Variants in DNAI4 observed in about 807,000 individuals in gnomAD.
The protein encoded by DNAI4 is WD repeat domain 78.
Under a neutral mutation model 105.8 loss-of-function variants are expected in DNAI4, and 85 were observed. The ratio of observed to expected loss-of-function variants is 0.80; its 90% confidence interval spans 0.67 to 0.96. The LOEUF is 0.96. Ranked by LOEUF, DNAI4 falls within the 40% of genes least tolerant of loss-of-function variation. The pLI is 0.00. For synonymous variants in DNAI4, 352 were observed against 331.5 expected (o/e 1.06, Z -0.67); for missense variants, 1,014 against 1,005.6 (o/e 1.01, Z -0.11).
chr1:66,858,552 G>GAAAAAAAAAAAAAAAAAA, intron 7 of DNAI4, among the ~76,000 whole-genome samples: 1 of 108,522 alleles, frequency 9.2e-6, no homozygotes, highest in Non-Finnish European at 1.9e-5. Flanking sequence ...AAAAAAAAAT[G>GAAAAAAAAAAAAAAAAAA]CAAAAATCCT....
chr1:66,854,199 C>T (rs953703135), intron 7 of DNAI4, among the ~76,000 whole-genome samples: 1 of 152,104 alleles, frequency 6.6e-6, no homozygotes, highest in Admixed American at 6.6e-5. Flanking sequence ...TGAGAACAGT[C>T]TGGGCAACAT....
chr1:66,894,261 G>A (rs980198405), intron 2 of DNAI4, among the ~76,000 whole-genome samples: 1 of 152,096 alleles, frequency 6.6e-6, no homozygotes, highest in African/African-American at 2.4e-5. Flanking sequence ...GACAAAATGT[G>A]GAGGCAGAAA....
chr1:66,868,130 C>T (rs1193185555), intron 6 of DNAI4, among the ~76,000 whole-genome samples: 7 of 152,140 alleles, frequency 4.6e-5, no homozygotes, highest in Non-Finnish European at 8.8e-5. Context: ...AATCTTTATA[C>T]TCCTAGAATA....
At chr1:66,910,002 C>T (rs1557982662) in intron 1 of DNAI4, among the ~76,000 whole-genome samples, 1 of 152,142 alleles carries the variant, frequency 6.6e-6, no homozygotes, top group East Asian at 1.9e-4. Context: ...CCTACTTAAC[C>T]TTGATCCCCT....
intron 2 of DNAI4, among the ~76,000 whole-genome samples, chr1:66,898,791 TC>T (rs931508194): frequency 6.6e-6 from 1 of 152,136 alleles, no homozygotes; most frequent in African/African-American, 2.4e-5. Context: ...ACATCTCCGC[TC>T]CCAGCCCTAC....
rs559042753 is a variant in DNAI4 at position 66,834,823 on chromosome 1, T to A, written c.1734-675A>T. On this transcript the variant is annotated intron_variant, in intron 11 of 16. Transcript: ENST00000371026. The stretch of plus-strand genomic sequence containing the variant: ...TTTTAAAATCATACATATCTTTGAT[T>A]TTTTGGTGAAAATTATGGACCCTCT... 4.7e-3 allele frequency among the ~76,000 whole-genome samples: 711 copies of A among 152,234 alleles called. 6 individuals carry two copies. Among genetic ancestry groups the A allele is most frequent in the African/African-American group, 0.017 (688 of 41,546 alleles).
chr1:66,891,777 G>A (rs1647672377), intron 3 of DNAI4, among the ~76,000 whole-genome samples: 1 of 152,118 alleles, frequency 6.6e-6, no homozygotes, highest in Non-Finnish European at 1.5e-5. Context: ...ATGTATTTTA[G>A]AAGAAAGACA....
intron 8 of DNAI4, 109 bp downstream of exon 8, chr1:66,847,375 C>A (rs1646298777): frequency 1.9e-6 from 2 of 1,045,274 alleles, no homozygotes; most frequent in Non-Finnish European, 2.8e-6. Flanking sequence ...CTTGCTACAA[C>A]CTTGAACTCC....
intron 14 of DNAI4, 43 bp from the exon 15 acceptor site, chr1:66,827,089 T>C (rs757157321): frequency 6.7e-7 from 1 of 1,489,418 alleles, no homozygotes; most frequent in South Asian, 1.3e-5. Context: ...ATATTTAACA[T>C]CTTTTATTTT....
intron 2 of DNAI4, among the ~76,000 whole-genome samples, chr1:66,896,643 A>G (rs1487684490): frequency 6.6e-6 from 1 of 152,146 alleles, no homozygotes; most frequent in African/African-American, 2.4e-5. Context: ...TAGTCATCAC[A>G]AGAGAAGTCT....
At chr1:66,920,459 C>T (rs1199755285) in intron 1 of DNAI4, among the ~76,000 whole-genome samples, 6 of 152,162 alleles carry the variant, frequency 3.9e-5, no homozygotes, top group African/African-American at 7.2e-5. Context: ...TTAACACTTA[C>T]GCTGTCTGTA....
chr1:66,903,785 A>C (rs1228585764), intron 2 of DNAI4, among the ~76,000 whole-genome samples: 1 of 152,162 alleles, frequency 6.6e-6, no homozygotes, highest in African/African-American at 2.4e-5. Context: ...ATAAGCCACC[A>C]TGCCCAGCTG....
chr1:66,881,898 G>C (rs986354936), intron 4 of DNAI4, among the ~76,000 whole-genome samples: 9 of 152,170 alleles, frequency 5.9e-5, no homozygotes, highest in Admixed American at 2.0e-4. Context: ...GGAGGTGATT[G>C]ACTTATGGGA....
At chr1:66,814,970 T>C (rs981911003) in intron 16 of DNAI4, among the ~76,000 whole-genome samples, 2 of 152,162 alleles carry the variant, frequency 1.3e-5, no homozygotes, top group African/African-American at 2.4e-5. Context: ...GGTGAGTTTT[T>C]AAGCAAGACA....
chr1:66,819,374 C>T (rs1225829857), intron 16 of DNAI4, among the ~76,000 whole-genome samples: 1 of 152,142 alleles, frequency 6.6e-6, no homozygotes, highest in Admixed American at 6.5e-5. Context: ...CATTCACCTT[C>T]CAAAAGTCAA....
chr1:66,893,233 T>G lies in DNAI4; in HGVS notation c.526A>C (p.Thr176Pro), dbSNP rs1557966037. The G allele has an allele frequency of 3.9e-6, 6 of 1,555,068 alleles. No individual in the cohort carries two copies. The highest frequency in any genetic ancestry group is 5.2e-6 in the Non-Finnish European group (6 of 1,150,790). The change falls in exon 3 of 17, where the codon ACA (threonine) becomes CCA (proline). Residue 176 changes from threonine to proline, a missense_variant. Transcript: ENST00000371026. ...CTATATAATAGTATACTCTACCTTG[T>G]AAACTGCCCTAACGTACTAGGATTT... is the stretch of plus-strand genomic sequence containing the variant. The part of the protein sequence containing the change: ...TINPSTLGQF[T>P]RSVLGSSTVS...
Position 66,905,342 on chromosome 1 carries a change from G to A in DNAI4, c.204C>T (p.Ser68=), listed in dbSNP as rs770124767. Residue 68 remains serine (S), a synonymous_variant, in exon 2 of 17, where the codon AGC becomes AGT. Coordinates refer to ENST00000371026, the MANE Select transcript of DNAI4 (RefSeq NM_024763.5). ...NNATQPKKSI[S]FFATMKATSV... ...AAGTTGCTTTCATTGTAGCAAAAAA[G>A]CTAATAGACTTCTTTGGTTGTGTGG... The A allele has an allele frequency of 4.0e-6, 6 of 1,514,638 alleles. No individual in the cohort carries two copies. Among genetic ancestry groups the A allele is most frequent in the Non-Finnish European group, 5.4e-6 (6 of 1,117,650 alleles). 93.8% of individuals were successfully genotyped at this position (1,514,638 alleles called of 1,614,324 possible). A position where few individuals can be genotyped will look rare whatever the true frequency, so the allele number is the denominator to read the frequency against.
At chr1:66,836,296 GA>G (rs1190942660) in intron 10 of DNAI4, among the ~76,000 whole-genome samples, 27 of 149,954 alleles carry the variant, frequency 1.8e-4, no homozygotes, top group African/African-American at 4.4e-4. Flanking sequence ...AAGAAAGAAA[GA>G]AAGAAAGAAA....
intron 6 of DNAI4, among the ~76,000 whole-genome samples, chr1:66,868,526 G>A (rs1646777081): frequency 6.6e-6 from 1 of 152,160 alleles, no homozygotes; most frequent in Non-Finnish European, 1.5e-5. Flanking sequence ...AGAAGGTGGA[G>A]GAAGGTTGAA....
Sources: allele counts gnomAD v4.1 joint callset (sites outside exome capture counted in the v4.1 genomes callset), GRCh38; gene constraint gnomAD v4.1.1; transcripts MANE v1.5; gene names NCBI Gene and HGNC (gene_info 2026-07-23, HGNC 2026-07-21).